Variants in PARP14 observed in about 807,000 individuals in gnomAD.
PARP14 encodes protein mono-ADP-ribosyltransferase PARP14.
PARP14 carries 59 observed loss-of-function variants against 154.2 expected under a neutral mutation model. The ratio of observed to expected loss-of-function variants is 0.38; its 90% CI spans 0.31 to 0.48. PARP14 has a LOEUF of 0.48. Ranked by LOEUF, PARP14 falls within the 20% of genes least tolerant of loss-of-function variation. The pLI is 0.98. For missense variants in PARP14, 1,734 were observed against 2,131.6 expected, an observed-to-expected ratio of 0.81 and a Z score of 3.67; for synonymous variants, 720 against 780.5, an observed-to-expected ratio of 0.92 and a Z score of 1.29.
At chr3:122,706,529 A>C (rs142541481) in intron 8 of PARP14, among the ~76,000 whole-genome samples, 4,917 of 152,318 alleles carry the variant, frequency 0.032, 108 homozygotes, top group Middle Eastern at 0.078. Flanking sequence ...AACTTCTGGC[A>C]CATTAAACAT....
In PARP14 at chr3:122,704,707, G is replaced by T. The variant is rs188219681; in HGVS notation, c.3499G>T (p.Val1167Phe). ...SKNQLKTLQEVHFLLHPSDHE... is the reference protein window; with the variant it reads ...SKNQLKTLQEFHFLLHPSDHE... ...GAATCAGCTGAAAACTTTACAAGAG[G>T]TTCACTTTCTGCTGCACCCGAGTGA... Residue 1167 changes from valine to phenylalanine, a missense_variant, in exon 8 of 17, where the codon GTT (valine) becomes TTT (phenylalanine). Coordinates refer to ENST00000474629, the MANE Select transcript of PARP14 (RefSeq NM_017554.3). 1.9e-6 allele frequency: 3 copies of T among 1,605,578 alleles called. No individual in the cohort carries two copies. Among genetic ancestry groups the T allele is most frequent in the African/African-American group, 2.7e-5 (2 of 74,762 alleles).
chr3:122,718,749 A>C lies in PARP14; in HGVS notation c.4598A>C (p.Glu1533Ala). ...EQESRADCIS[E>A]FIEWQYNDNN... The stretch of plus-strand genomic sequence containing the variant: ...GAATCCCGGGCAGATTGTATCAGTG[A>C]GTTTATAGAATGGCAGTATAATGAC... The change falls in exon 14 of 17, where the codon GAG becomes GCG. Residue 1533 changes from glutamate (E) to alanine (A), a missense_variant. Around this residue, in one of 2 missense-constraint regions of PARP14, gnomAD observed 1,646 missense variants for 1,976.0 expected, o/e 0.83. Transcript: ENST00000474629. 6.2e-7 allele frequency: 1 copy of C among 1,613,456 alleles called. No individual in the cohort carries two copies. Among genetic ancestry groups the C allele is most frequent in the South Asian group, 1.1e-5 (1 of 91,038 alleles).
At chr3:122,727,710 T>C (rs1576605546) in intron 15 of PARP14, 102 bp from the exon 16 acceptor site, 2 of 660,282 alleles carry the variant, frequency 3.0e-6, no homozygotes, top group South Asian at 3.0e-5. Context: ...ATTTGCTGTT[T>C]AGTGTGCTTT....
intron 2 of PARP14, 90 bp downstream of exon 2, chr3:122,685,408 A>G: frequency 1.6e-6 from 2 of 1,248,296 alleles, no homozygotes; most frequent in Non-Finnish European, 2.3e-6. Flanking sequence ...TAGTGGAAAG[A>G]AAAGCATGAA....
At position 122,704,697 on chromosome 3, in the gene PARP14, T is replaced by C; in HGVS notation, c.3489T>C (p.Thr1163=). The C allele has an allele frequency of 6.2e-7, 1 of 1,607,028 alleles. No homozygotes were observed. The highest frequency in any genetic ancestry group is 8.5e-7 in the Non-Finnish European group (1 of 1,176,098). ...FKFSSKNQLK[T]LQEVHFLLHP... The stretch of plus-strand genomic sequence containing the variant: ...TTAGTAGCAAGAATCAGCTGAAAAC[T>C]TTACAAGAGGTTCACTTTCTGCTGC... Residue 1163 remains threonine (T), a synonymous_variant, in exon 8 of 17, where the codon ACT becomes ACC. Coordinates refer to ENST00000474629, the MANE Select transcript of PARP14 (RefSeq NM_017554.3).
intron 15 of PARP14, chr3:122,720,780 G>T: frequency 4.4e-6 from 2 of 458,260 alleles, no homozygotes; most frequent in South Asian, 1.5e-5. Context: ...GTGCTTCCTT[G>T]ATAAAGCCAG....
rs769257940 is a variant in PARP14, at chr3:122,700,949, GC to G, written c.2399del (p.Pro800LeufsTer5). The G allele has an allele frequency of 6.2e-7, 1 of 1,613,944 alleles. No individual in the cohort carries two copies. Among genetic ancestry groups the G allele is most frequent in the Non-Finnish European group, 8.5e-7 (1 of 1,179,884 alleles). On this transcript the variant is annotated frameshift_variant, in exon 6 of 17. Transcript: ENST00000474629. LOFTEE classifies it high-confidence loss of function. The part of the protein sequence containing the change: ...GQKCFSRTVL[A>X]PGVVLIVQQG... ...GAAGTGCTTCTCTCGGACAGTCTTG[GC>G]CCCTGGCGTTGTGCTGATTGTGCAG... is the stretch of plus-strand genomic sequence containing the variant.
chr3:122,723,385 A>T (rs548082218), intron 15 of PARP14, among the ~76,000 whole-genome samples: 1 of 152,350 alleles, frequency 6.6e-6, no homozygotes, highest in South Asian at 2.1e-4. Context: ...CATTTAAAAA[A>T]TTATTTTTCA....
chr3:122,699,699 C>A lies in PARP14; in HGVS notation c.1145C>A (p.Thr382Asn), dbSNP rs540399951. ...AATGAAGGAAGACCGAGAATCAAGA[C>A]CTGGCAGGCAGATACTTCCACAACA... is the stretch of plus-strand genomic sequence containing the variant. ...LVNEGRPRIK[T>N]WQADTSTTLS... Residue 382 changes from threonine (T) to asparagine (N), a missense_variant, in exon 6 of 17, where the codon ACC (threonine) becomes AAC (asparagine). Transcript: ENST00000474629. 2 of 1,614,022 alleles carry A rather than the reference C, an allele frequency of 1.2e-6. No homozygotes were observed. The highest frequency in any genetic ancestry group is 2.2e-5 in the South Asian group (2 of 91,082).
In PARP14 at chr3:122,692,423, G is replaced by A; in HGVS notation, c.478G>A (p.Val160Met). ...LVAFENLKAN[V>M]TDIMLILLVE... Reference sequence around the variant, plus strand: ...GGCATTTGAAAACCTCAAGGCAAATGTGACTGACATAATGCTAATCTTGTT... The same window carrying A: ...GGCATTTGAAAACCTCAAGGCAAATATGACTGACATAATGCTAATCTTGTT... Residue 160 changes from valine to methionine, a missense_variant, in exon 4 of 17, where the codon GTG (valine) becomes ATG (methionine). Around this residue, in one of 2 missense-constraint regions of PARP14, gnomAD observed 1,646 missense variants for 1,976.0 expected, o/e 0.83. Transcript: ENST00000474629. 2 of 1,613,808 alleles carry A rather than the reference G, an allele frequency of 1.2e-6. No individual in the cohort carries two copies. The highest frequency in any genetic ancestry group is 1.1e-5 in the South Asian group (1 of 91,072).
chr3:122,704,157 T>C (rs1939074702), intron 7 of PARP14, among the ~76,000 whole-genome samples, 179 bp downstream of exon 7: 1 of 152,230 alleles, frequency 6.6e-6, no homozygotes, highest in Admixed American at 6.5e-5. Context: ...TCCTGAGGAC[T>C]AGTTAATACT....
chr3:122,725,792 T>A (rs539601459), intron 15 of PARP14, among the ~76,000 whole-genome samples: 6 of 152,206 alleles, frequency 3.9e-5, no homozygotes, highest in Non-Finnish European at 8.8e-5. Context: ...TACTTACTGA[T>A]ATGTTTGGGT....
intron 2 of PARP14, among the ~76,000 whole-genome samples, chr3:122,685,930 C>A (rs1344608986): frequency 6.6e-6 from 1 of 152,024 alleles, no homozygotes; most frequent in Non-Finnish European, 1.5e-5. Flanking sequence ...TAACCTGTAA[C>A]CTGTTATATT....
chr3:122,721,630 T>G (rs1430564939), intron 15 of PARP14: 1 of 152,104 alleles, frequency 6.6e-6, no homozygotes, highest in Non-Finnish European at 1.5e-5. Context: ...AAAATCAACT[T>G]CTCTAAAATC....
At position 122,683,911 on chromosome 3, in the gene PARP14, AG is replaced by A. The variant is rs570920235; in HGVS notation, c.188-1272del. On this transcript the variant is annotated intron_variant, in intron 1 of 16. Transcript: ENST00000474629. ...GACTTACAAAATTTAGCTTGTTGTCAGGCTGCAGGGGTCCTATCCAGTCCTC... is the reference window on the plus strand; with the variant it reads ...GACTTACAAAATTTAGCTTGTTGTCAGCTGCAGGGGTCCTATCCAGTCCTC... 1.8e-4 allele frequency among the ~76,000 whole-genome samples: 28 copies of A among 152,332 alleles called. No homozygotes were observed. In the South Asian group the frequency reaches 5.2e-3, roughly 28 times the overall value.
At chr3:122,710,162 T>C (rs775604278) in intron 9 of PARP14, among the ~76,000 whole-genome samples, 5 of 152,078 alleles carry the variant, frequency 3.3e-5, no homozygotes, top group Non-Finnish European at 7.4e-5. Context: ...GTTTTTCCAA[T>C]GTTATCTTTT....
At chr3:122,692,618 A>C in intron 4 of PARP14, 75 bp downstream of exon 4, 1 of 1,258,758 alleles carries the variant, frequency 7.9e-7, no homozygotes, top group Admixed American at 2.5e-5. Context: ...TCTTAGGGGG[A>C]CATCTCTGAA....
At position 122,708,222 on chromosome 3, in the gene PARP14, TG is replaced by T; in HGVS notation, c.3575del (p.Gly1192GlufsTer31). 1 of 1,575,710 alleles carries T rather than the reference TG, an allele frequency of 6.3e-7. No individual in the cohort carries two copies. Among genetic ancestry groups the T allele is most frequent in the Non-Finnish European group, 8.6e-7 (1 of 1,158,218 alleles). On this transcript the variant is annotated frameshift_variant, in exon 9 of 17. Coordinates refer to ENST00000474629, the MANE Select transcript of PARP14 (RefSeq NM_017554.3). LOFTEE classifies it high-confidence loss of function. ...FSDEFARRAN[G>X]NLVSDKIPKA... ...CAGATGAATTTGCCAGAAGGGCTAA[TG>T]GAAATCTCGTCAGTGACAAAATTCC...
In PARP14 at chr3:122,692,540, A is replaced by T; in HGVS notation, c.595A>T (p.Ile199Leu). The T allele has an allele frequency of 6.2e-7, 1 of 1,606,606 alleles. No homozygotes were observed. Among genetic ancestry groups the T allele is most frequent in the Non-Finnish European group, 8.5e-7 (1 of 1,174,132 alleles). ...DVAVVTFQKH[I>L]DTIRFVDDCT... ...TGCTGTTGTTACCTTTCAAAAGCAC[A>T]TAGGTAAGATGAAGTGACACTTCCT... The change falls in exon 4 of 17, where the codon ATA (isoleucine) becomes TTA (leucine). Residue 199 changes from isoleucine (I) to leucine (L), a missense_variant. Around this residue, in one of 2 missense-constraint regions of PARP14, gnomAD observed 1,646 missense variants for 1,976.0 expected, o/e 0.83. Transcript: ENST00000474629.
Sources: allele counts gnomAD v4.1 joint callset (sites outside exome capture counted in the v4.1 genomes callset), GRCh38; gene constraint gnomAD v4.1.1; regional missense constraint gnomAD v4.1.1; transcripts MANE v1.5; gene names NCBI Gene and HGNC (gene_info 2026-07-23, HGNC 2026-07-21).